Variants in CUL2 observed in about 807,000 individuals in gnomAD.
The protein encoded by CUL2 is cullin-2.
CUL2 carries 22 observed loss-of-function variants against 110.2 expected under a neutral mutation model. The observed-to-expected ratio is 0.20, with a 90% confidence interval of 0.14 to 0.28. The LOEUF (loss-of-function observed/expected upper bound fraction) is 0.28. Ranked by LOEUF, CUL2 falls within the 10% of genes least tolerant of loss-of-function variation. CUL2 has a pLI of 1.00. For missense variants in CUL2, 631 were observed against 905.5 expected (o/e 0.70, Z 3.89); for synonymous variants, 279 against 293.2 (o/e 0.95, Z 0.49).
At chr10:35,046,965 A>G (rs551182542) in intron 6 of CUL2, among the ~76,000 whole-genome samples, 8 of 152,274 alleles carry the variant, frequency 5.3e-5, no homozygotes, top group African/African-American at 1.9e-4. Context: ...GGAAAGAAAC[A>G]AACAGTTATT....
chr10:35,018,783 A>G (rs1347120440), intron 17 of CUL2, among the ~76,000 whole-genome samples: 1 of 142,416 alleles, frequency 7.0e-6, no homozygotes, highest in African/African-American at 2.6e-5. Flanking sequence ...AAAAAAAAAG[A>G]TTTTAAAGGC....
intron 11 of CUL2, among the ~76,000 whole-genome samples, 176 bp downstream of exon 11, chr10:35,032,985 CAATTT>C (rs1391949488): frequency 6.6e-6 from 1 of 152,058 alleles, no homozygotes; most frequent in African/African-American, 2.4e-5. Context: ...TACAAGCATT[CAATTT>C]AACTATTCAG....
Position 35,010,167 on chromosome 10 carries a change from G to A in CUL2, c.*144C>T, listed in dbSNP as rs1008910786. 2.3e-5 allele frequency: 14 copies of A among 608,308 alleles called. No individual in the cohort carries two copies. The highest frequency in any genetic ancestry group is 1.1e-4 in the East Asian group (3 of 27,076). 37.7% of individuals were successfully genotyped at this position (608,308 alleles called of 1,614,324 possible). A position where few individuals can be genotyped will look rare whatever the true frequency, so the allele number is the denominator to read the frequency against. ...AGGCATTTTCTTTGACGCTCATGAC[G>A]TGGCACTGGTGATGTTGTAAACAGC... On this transcript the variant is annotated 3_prime_UTR_variant, in exon 21 of 21. Coordinates refer to ENST00000374749, the MANE Select transcript of CUL2 (RefSeq NM_003591.4).
intron 1 of CUL2, among the ~76,000 whole-genome samples, chr10:35,102,884 GAAA>G (rs750018715): frequency 9.2e-6 from 1 of 108,452 alleles, no homozygotes; most frequent in Non-Finnish European, 2.0e-5. Context: ...CTCTGTCTCA[GAAA>G]AAAAAAAAAA....
chr10:35,020,912 C>T (rs1441793780), intron 17 of CUL2, among the ~76,000 whole-genome samples: 1 of 151,542 alleles, frequency 6.6e-6, no homozygotes, highest in Admixed American at 6.6e-5. Context: ...ACTCTCAACA[C>T]TCTCCTTTAC....
chr10:35,106,000 G>A (rs887143190), intron 1 of CUL2, among the ~76,000 whole-genome samples: 1 of 152,164 alleles, frequency 6.6e-6, no homozygotes. Context: ...GAGGGTTGGA[G>A]ATTAAACAAA....
At chr10:35,119,541 A>G (rs952790281) in intron 1 of CUL2, among the ~76,000 whole-genome samples, 3 of 151,310 alleles carry the variant, frequency 2.0e-5, no homozygotes, top group Admixed American at 1.3e-4. Flanking sequence ...TATAATTTTT[A>G]GGGAGGTTTT....
chr10:35,124,791 T>G (rs1056228887), intron 1 of CUL2, among the ~76,000 whole-genome samples: 2 of 152,104 alleles, frequency 1.3e-5, no homozygotes, highest in African/African-American at 4.8e-5. Flanking sequence ...TAACTTACAG[T>G]TGGATTCGGA....
chr10:35,103,821 A>C (rs1356855256), intron 1 of CUL2, among the ~76,000 whole-genome samples: 1 of 152,082 alleles, frequency 6.6e-6, no homozygotes, highest in East Asian at 1.9e-4. Flanking sequence ...TATTGCTTTC[A>C]TACTCTGCCT....
intron 1 of CUL2, among the ~76,000 whole-genome samples, chr10:35,103,965 C>T (rs1164059659): frequency 1.3e-5 from 2 of 152,096 alleles, no homozygotes; most frequent in African/African-American, 2.4e-5. Flanking sequence ...ATAAAAAACG[C>T]TAGTGCCTGG....
rs145722929 is a variant in CUL2 at position 35,013,126 on chromosome 10, G to A, written c.1989+573C>T. 7.9e-3 allele frequency among the ~76,000 whole-genome samples: 1,199 copies of A among 152,230 alleles called. 20 individuals carry two copies. The highest frequency in any genetic ancestry group is 0.027 in the African/African-American group (1,125 of 41,520). The stretch of plus-strand genomic sequence containing the variant: ...CAGGCTGAGGCGGGCGGATCACGAT[G>A]TCAGGAGATCGAGACCACCCTGGCT... On this transcript the variant is annotated intron_variant, in intron 19 of 20. Coordinates refer to ENST00000374749, the MANE Select transcript of CUL2 (RefSeq NM_003591.4).
chr10:35,045,305 A>C (rs1275499418), intron 6 of CUL2, among the ~76,000 whole-genome samples: 1 of 152,214 alleles, frequency 6.6e-6, no homozygotes, highest in African/African-American at 2.4e-5. Flanking sequence ...AATATGAAAT[A>C]GAACCAGGCA....
rs1392697127 is a variant in CUL2 at position 35,040,602 on chromosome 10, T to C, written c.715-1520A>G. Among the ~76,000 whole-genome samples the C allele has an allele frequency of 3.9e-5, 6 of 152,138 alleles. 1 individual carries two copies. Reference sequence around the variant, plus strand: ...TCCTGTCTTTCCTATTGTGCGACCCTTTGAAGCCAGGAGTTCAGGGCAAAG... The same window carrying C: ...TCCTGTCTTTCCTATTGTGCGACCCCTTGAAGCCAGGAGTTCAGGGCAAAG... On this transcript the variant is annotated intron_variant, in intron 8 of 20. Coordinates refer to ENST00000374749, the MANE Select transcript of CUL2 (RefSeq NM_003591.4).
chr10:35,082,236 T>C (rs2086960983), intron 1 of CUL2, among the ~76,000 whole-genome samples: 1 of 152,238 alleles, frequency 6.6e-6, no homozygotes, highest in Non-Finnish European at 1.5e-5. Context: ...AAAGTTCCGA[T>C]ATATGCTACG....
intron 17 of CUL2, among the ~76,000 whole-genome samples, chr10:35,024,090 C>A (rs560621270): frequency 6.6e-6 from 1 of 152,172 alleles, no homozygotes; most frequent in Non-Finnish European, 1.5e-5. Flanking sequence ...CTGTCTCAGC[C>A]TCCCCAAGTG....
intron 17 of CUL2, among the ~76,000 whole-genome samples, chr10:35,017,627 AAGTTGCAGT>A (rs1206726712): frequency 6.6e-5 from 10 of 151,904 alleles, no homozygotes. Flanking sequence ...TGGGAGGCAG[AAGTTGCAGT>A]GAGCCAAGAT....
At chr10:35,069,667 C>G (rs1337222840) in intron 2 of CUL2, among the ~76,000 whole-genome samples, 2 of 151,872 alleles carry the variant, frequency 1.3e-5, no homozygotes, top group Non-Finnish European at 2.9e-5. Context: ...ATTTCAAAAC[C>G]ACTTAAAAAC....
In CUL2 at chr10:35,011,856, T is replaced by G. The variant is rs1415615708; in HGVS notation, c.2098A>C (p.Ile700Leu). The G allele has an allele frequency of 6.3e-7, 1 of 1,599,730 alleles. No individual in the cohort carries two copies. Reference sequence around the variant, plus strand: ...GACTGCCCTCCTTTTACCTCTTGAATAAGGGCATTGTGCCGAAGCACTTTT... The same window carrying G: ...GACTGCCCTCCTTTTACCTCTTGAAGAAGGGCATTGTGCCGAAGCACTTTT... ...ARKVLRHNALIQEVISQSRAR... is the reference protein window; with the variant it reads ...ARKVLRHNALLQEVISQSRAR... Residue 700 changes from isoleucine to leucine, a missense_variant, in exon 20 of 21, where the codon ATT becomes CTT. This residue lies in a region of CUL2 where 159 missense variants were observed against 202.7 expected (regional missense o/e 0.78). Transcript: ENST00000374749.
At chr10:35,112,668 G>C (rs2087536767) in intron 1 of CUL2, among the ~76,000 whole-genome samples, 1 of 152,234 alleles carries the variant, frequency 6.6e-6, no homozygotes, top group African/African-American at 2.4e-5. Context: ...CTCTGGAAAG[G>C]AGTAGACAGA....
Sources: allele counts gnomAD v4.1 joint callset (sites outside exome capture counted in the v4.1 genomes callset), GRCh38; gene constraint gnomAD v4.1.1; regional missense constraint gnomAD v4.1.1; transcripts MANE v1.5; gene names NCBI Gene and HGNC (gene_info 2026-07-23, HGNC 2026-07-21).